BDNF: variants seen among roughly 807,000 people sequenced by gnomAD.
BDNF encodes brain derived neurotrophic factor, also known as neurotrophic factor BDNF precursor form.
Under a neutral mutation model 19.5 loss-of-function variants are expected in BDNF, and 1 was observed. The ratio of observed to expected loss-of-function variants is 0.05; its 90% CI spans 0.02 to 0.24. The LOEUF (loss-of-function observed/expected upper bound fraction) is 0.24. Among genes scored for constraint, BDNF ranks in the 10% least tolerant of loss-of-function variants. The pLI is 1.00. For missense variants in BDNF, 195 were observed against 317.6 expected (o/e 0.61, Z 2.93); for synonymous variants, 100 against 121.6 (o/e 0.82, Z 1.17).
chr11:27,673,271 G>C (rs775412030), intron 1 of BDNF, among the ~76,000 whole-genome samples: 1 of 151,776 alleles, frequency 6.6e-6, no homozygotes, highest in Non-Finnish European at 1.5e-5. Flanking sequence ...AAAAGCAAGG[G>C]TGATGCAACT....
rs547180588 is a variant in BDNF at position 27,714,782 on chromosome 11, G to A, written c.3+6630C>T. ...TATCACTCAAACTTGGAACGGAAGT[G>A]GAATTTAGAGTTTATTCTGAGAACA... On this transcript the variant is annotated intron_variant, in intron 1 of 1. Transcript: ENST00000314915. 2.2e-4 allele frequency among the ~76,000 whole-genome samples: 33 copies of A among 152,200 alleles called. No individual in the cohort carries two copies. The East Asian group carries it at 2.5e-3, about 12-fold the overall frequency.
intron 1 of BDNF, chr11:27,721,329 T>C: frequency 6.7e-7 from 1 of 1,497,834 alleles, no homozygotes; most frequent in Non-Finnish European, 9.3e-7. Flanking sequence ...GCGTGTGAAG[T>C]GCTAGGAAGA....
At chr11:27,693,863 A>G (rs1388553773) in intron 1 of BDNF, among the ~76,000 whole-genome samples, 2 of 152,220 alleles carry the variant, frequency 1.3e-5, no homozygotes, top group Non-Finnish European at 1.5e-5. Context: ...CAAAACCAAG[A>G]CTGATTAGAC....
intron 1 of BDNF, among the ~76,000 whole-genome samples, chr11:27,714,011 T>G (rs1860430445): frequency 6.6e-6 from 1 of 152,254 alleles, no homozygotes; most frequent in African/African-American, 2.4e-5. Context: ...GAATGATGTC[T>G]GTTATGCCTA....
In BDNF at chr11:27,671,006, C is replaced by CA. The variant is rs576767053; in HGVS notation, c.-21-12422dup. Among the ~76,000 whole-genome samples, 652 of 152,240 alleles carry CA rather than the reference C, an allele frequency of 4.3e-3. 4 individuals carry two copies. Among genetic ancestry groups the CA allele is most frequent in the African/African-American group, 0.015 (606 of 41,544 alleles). On this transcript the variant is annotated intron_variant, in intron 1 of 1. Transcript: ENST00000356660. ...ACAATAGCAAATACTTGGAGCCAAC[C>CA]AAATGTCCATCAGTGAGCAAGGACA...
chr11:27,700,401 C>A lies in BDNF; in HGVS notation c.-259G>T. 2.0e-6 allele frequency: 2 copies of A among 985,944 alleles called. No homozygotes were observed. Among genetic ancestry groups the A allele is most frequent in the Non-Finnish European group, 2.4e-6 (2 of 830,278 alleles). The allele number at this position is 985,944 out of a possible 1,614,324, so 61.1% of individuals were successfully genotyped here. A position where few individuals can be genotyped will look rare whatever the true frequency, so the allele number is the denominator to read the frequency against. On this transcript the variant is annotated 5_prime_UTR_variant, in exon 1 of 2. Coordinates refer to ENST00000356660, the MANE Select transcript of BDNF (RefSeq NM_001709.5). ...CGGGGTGCGCGGGACAGCGAGCGGG[C>A]GGGTGCGCCCGGGCGCGGCGGCGGC...
chr11:27,700,794 C>T (rs577702827), upstream of BDNF: 1,019 of 1,204,268 alleles, frequency 8.5e-4, 13 homozygotes, highest in South Asian at 0.014. Context: ...CCCGGGGAAC[C>T]CCGCGTCCCG....
At chr11:27,664,018 T>C (rs1247207914) in intron 1 of BDNF, among the ~76,000 whole-genome samples, 1 of 151,300 alleles carries the variant, frequency 6.6e-6, no homozygotes, top group Non-Finnish European at 1.5e-5. Flanking sequence ...ACAGTACAGA[T>C]AATTCAGGCA....
At chr11:27,678,395 A>C (rs572303235) in intron 1 of BDNF, among the ~76,000 whole-genome samples, 94 of 152,352 alleles carry the variant, frequency 6.2e-4, no homozygotes, top group Non-Finnish European at 9.3e-4. Flanking sequence ...AGAGGAATGA[A>C]ATCTTCCAAA....
chr11:27,702,545 A>G (rs916934428), upstream of BDNF, among the ~76,000 whole-genome samples: 1 of 152,158 alleles, frequency 6.6e-6, no homozygotes, highest in Non-Finnish European at 1.5e-5. Context: ...TGCTGTAAGA[A>G]TTTCCCTAAA....
chr11:27,681,748 G>GA (rs1171587676), intron 1 of BDNF, among the ~76,000 whole-genome samples: 3 of 152,086 alleles, frequency 2.0e-5, no homozygotes, highest in African/African-American at 7.2e-5. Context: ...GGGGGAGCTG[G>GA]AAAGTACTAA....
chr11:27,705,054 C>T (rs1359356394), upstream of BDNF, among the ~76,000 whole-genome samples: 5 of 152,152 alleles, frequency 3.3e-5, no homozygotes, highest in South Asian at 2.1e-4. Flanking sequence ...TCAAGAAAAA[C>T]GGCATAGAAA....
intron 1 of BDNF, among the ~76,000 whole-genome samples, chr11:27,714,324 C>G (rs1860439721): frequency 6.6e-6 from 1 of 152,136 alleles, no homozygotes; most frequent in African/African-American, 2.4e-5. Flanking sequence ...GCTTGTCCAT[C>G]TAATTATCTA....
At chr11:27,700,650 C>G (rs1859826939), upstream of BDNF, 9 of 1,003,350 alleles carry the variant, frequency 9.0e-6, no homozygotes, top group Non-Finnish European at 9.5e-6. Flanking sequence ...CCCGGAACTC[C>G]CCGCTCCCCC....
intron 1 of BDNF, among the ~76,000 whole-genome samples, chr11:27,686,897 C>G (rs1857558498): frequency 6.6e-6 from 1 of 152,080 alleles, no homozygotes; most frequent in Non-Finnish European, 1.5e-5. Context: ...GTTTGCTCTT[C>G]TTGAGGGGTA....
At chr11:27,689,387 T>G (rs1857951557) in intron 1 of BDNF, among the ~76,000 whole-genome samples, 1 of 152,220 alleles carries the variant, frequency 6.6e-6, no homozygotes, top group Non-Finnish European at 1.5e-5. Flanking sequence ...GAGTTATTTG[T>G]AGGATCAAAT....
intron 1 of BDNF, among the ~76,000 whole-genome samples, chr11:27,698,615 AT>A (rs1466379069): frequency 3.9e-5 from 6 of 152,104 alleles, no homozygotes; most frequent in African/African-American, 1.4e-4. Context: ...GGAGAGAGAG[AT>A]TTTGCAGGAT....
chr11:27,721,763 A>G, exon 1 of BDNF: 1 of 388,098 alleles, frequency 2.6e-6, no homozygotes. Context: ...CTGCCCTGCT[A>G]TGTAGCAGGT....
intron 1 of BDNF, among the ~76,000 whole-genome samples, chr11:27,688,155 A>T (rs1857740230): frequency 6.6e-6 from 1 of 152,112 alleles, no homozygotes; most frequent in African/African-American, 2.4e-5. Flanking sequence ...GGCTTTGCTG[A>T]GCTGTGGTAG....
Sources: gnomAD v4.1 joint callset for allele counts (sites outside exome capture counted in the v4.1 genomes callset) on GRCh38, gnomAD v4.1.1 for gene constraint, MANE v1.5 for transcripts, NCBI Gene and HGNC (gene_info 2026-07-23, HGNC 2026-07-21) for gene names.